FHOD3: variants seen among roughly 807,000 people sequenced by gnomAD.
FHOD3 encodes formin homology 2 domain containing 3.
A neutral mutation model predicts 173.0 loss-of-function variants in FHOD3; 90 were observed. The observed-to-expected ratio is 0.52, with a 90% CI of 0.44 to 0.62. The LOEUF is 0.62. Ranked by LOEUF, FHOD3 falls within the 20% of genes least tolerant of loss-of-function variation. The pLI is 0.00. For synonymous variants in FHOD3, 828 were observed against 823.0 expected, an observed-to-expected ratio of 1.01 and a Z score of -0.10; for missense variants, 1,945 against 2,034.7, an observed-to-expected ratio of 0.96 and a Z score of 0.85.
At chr18:36,767,255 T>C (rs540836873) in intron 27 of FHOD3, among the ~76,000 whole-genome samples, 3 of 152,234 alleles carry the variant, frequency 2.0e-5, no homozygotes, top group Admixed American at 6.5e-5. Flanking sequence ...TGTTTTTGCA[T>C]GTGCTCATGC....
chr18:36,459,511 C>A (rs1292393251), intron 3 of FHOD3, among the ~76,000 whole-genome samples: 1 of 152,002 alleles, frequency 6.6e-6, no homozygotes, highest in East Asian at 1.9e-4. Flanking sequence ...CTTCATTATG[C>A]GGTGTGGTGA....
intron 5 of FHOD3, among the ~76,000 whole-genome samples, chr18:36,517,459 A>G (rs1022339519): frequency 3.9e-5 from 6 of 152,056 alleles, no homozygotes; most frequent in African/African-American, 1.4e-4. Context: ...TGTGTCTTGT[A>G]TGTTTGGAAA....
At chr18:36,421,239 G>A (rs781542960) in intron 3 of FHOD3, among the ~76,000 whole-genome samples, 32 of 152,210 alleles carry the variant, frequency 2.1e-4, no homozygotes, top group Non-Finnish European at 3.7e-4. Context: ...CACAATGATA[G>A]TCACGTGTAG....
At chr18:36,592,783 G>A (rs868398014) in intron 6 of FHOD3, among the ~76,000 whole-genome samples, 2 of 152,170 alleles carry the variant, frequency 1.3e-5, no homozygotes, top group Admixed American at 6.5e-5. Context: ...AGCAGGCTGG[G>A]AGTGGTAGGT....
At chr18:36,717,609 C>T (rs192203729) in intron 18 of FHOD3, among the ~76,000 whole-genome samples, 120 of 152,222 alleles carry the variant, frequency 7.9e-4, no homozygotes, top group Middle Eastern at 6.8e-3. Flanking sequence ...CCAGGAGCAG[C>T]GTCATGCCTG....
rs764259858 is a variant in FHOD3 at position 36,378,596 on chromosome 18, CAA to C, written c.337+5870_337+5871del. On this transcript the variant is annotated intron_variant, in intron 3 of 28. Coordinates refer to ENST00000590592, the MANE Select transcript of FHOD3 (RefSeq NM_001281740.3). Reference sequence around the variant, plus strand: ...CTGTCCCCCCTGGACCCCTCTGCCACAAAAAAAAAAAAAAAAAAAGAGAGATG... The same window carrying C: ...CTGTCCCCCCTGGACCCCTCTGCCACAAAAAAAAAAAAAAAAAGAGAGATG... Among the ~76,000 whole-genome samples, 817 of 111,322 alleles carry C rather than the reference CAA, an allele frequency of 7.3e-3. 4 individuals are homozygous for C. The highest frequency in any genetic ancestry group is 0.024 in the African/African-American group (686 of 28,958). 73.0% of individuals were successfully genotyped at this position (111,322 alleles called of 152,430 possible).
intron 14 of FHOD3, among the ~76,000 whole-genome samples, chr18:36,658,874 A>G (rs143073103): frequency 3.5e-4 from 53 of 152,300 alleles, no homozygotes; most frequent in African/African-American, 1.2e-3. Flanking sequence ...GTAAATGCCA[A>G]TTACACCAAC....
chr18:36,366,986 A>G (rs1229924343), intron 2 of FHOD3, among the ~76,000 whole-genome samples: 3 of 152,338 alleles, frequency 2.0e-5, no homozygotes, highest in South Asian at 2.1e-4. Flanking sequence ...TTCTGTCTCT[A>G]TACCACTCAA....
intron 18 of FHOD3, among the ~76,000 whole-genome samples, chr18:36,714,971 C>T (rs563056071): frequency 1.2e-4 from 18 of 152,274 alleles, no homozygotes; most frequent in Non-Finnish European, 1.9e-4. Context: ...CCACCCTCCA[C>T]GTGTTTGAGG....
intron 28 of FHOD3, among the ~76,000 whole-genome samples, chr18:36,770,166 CAGA>C (rs1355290711): frequency 1.3e-5 from 2 of 152,194 alleles, no homozygotes; most frequent in Non-Finnish European, 2.9e-5. Flanking sequence ...TTGAGTGTTT[CAGA>C]AGAGCACTCA....
At chr18:36,537,613 G>A (rs1476528437) in intron 5 of FHOD3, among the ~76,000 whole-genome samples, 1 of 152,052 alleles carries the variant, frequency 6.6e-6, no homozygotes, top group African/African-American at 2.4e-5. Flanking sequence ...AACAGAGAAG[G>A]ACATTACATA....
intron 5 of FHOD3, among the ~76,000 whole-genome samples, chr18:36,545,130 C>G (rs1042243592): frequency 2.0e-5 from 3 of 152,100 alleles, no homozygotes; most frequent in African/African-American, 7.2e-5. Flanking sequence ...ATCTCTCCCC[C>G]TCTCTCCCTG....
intron 3 of FHOD3, among the ~76,000 whole-genome samples, chr18:36,475,162 T>G (rs568142180): frequency 4.1e-4 from 63 of 152,258 alleles, no homozygotes; most frequent in South Asian, 2.3e-3. Flanking sequence ...CCTGGCAGTG[T>G]TACTGCCTAC....
chr18:36,679,113 T>A (rs552838899), intron 14 of FHOD3, among the ~76,000 whole-genome samples: 3 of 152,292 alleles, frequency 2.0e-5, no homozygotes, highest in African/African-American at 4.8e-5. Flanking sequence ...ACAGGGCTAT[T>A]CAAAATTTCT....
chr18:36,532,766 G>A (rs1052481085), intron 5 of FHOD3, among the ~76,000 whole-genome samples: 2 of 152,184 alleles, frequency 1.3e-5, no homozygotes, highest in East Asian at 1.9e-4. Context: ...AACCTCAACC[G>A]CAGAACATCC....
chr18:36,449,326 A>T (rs1447951576), intron 3 of FHOD3, among the ~76,000 whole-genome samples: 2 of 152,168 alleles, frequency 1.3e-5, no homozygotes, highest in African/African-American at 4.8e-5. Flanking sequence ...GAAGGCACAA[A>T]ATATTAAGTA....
intron 10 of FHOD3, among the ~76,000 whole-genome samples, chr18:36,642,523 C>T (rs1413712372): frequency 2.3e-5 from 3 of 131,206 alleles, no homozygotes; most frequent in Non-Finnish European, 3.0e-5. Flanking sequence ...GCGGAGCTTA[C>T]GGTGAGCCGA....
intron 5 of FHOD3, among the ~76,000 whole-genome samples, chr18:36,520,727 T>C (rs989648890): frequency 6.6e-6 from 1 of 152,252 alleles, no homozygotes; most frequent in Non-Finnish European, 1.5e-5. Context: ...TAGTTTCTAC[T>C]GGAAGTCTCT....
intron 5 of FHOD3, among the ~76,000 whole-genome samples, chr18:36,523,094 G>T (rs1198464429): frequency 6.6e-6 from 1 of 152,134 alleles, no homozygotes; most frequent in African/African-American, 2.4e-5. Context: ...AACCACACTG[G>T]AGTCGTGTCT....
Sources: gnomAD v4.1 joint callset for allele counts (sites outside exome capture counted in the v4.1 genomes callset) on GRCh38, gnomAD v4.1.1 for gene constraint, MANE v1.5 for transcripts, NCBI Gene and HGNC (gene_info 2026-07-23, HGNC 2026-07-21) for gene names.